The following PCDH11X variants were observed in gnomAD, a reference collection of about 807,000 sequenced individuals.
PCDH11X encodes the protein protocadherin 11 X-linked.
In PCDH11X, 18 loss-of-function variants were observed where a neutral mutation model predicts 53.3. The observed-to-expected ratio is 0.34, with a 90% CI of 0.23 to 0.50. The LOEUF (loss-of-function observed/expected upper bound fraction) is 0.50, where lower values mean the gene tolerates loss of function less well. Among genes scored for constraint, PCDH11X ranks in the 20% least tolerant of loss-of-function variants. The pLI is 0.98. For synonymous variants in PCDH11X, 279 were observed against 393.3 expected (o/e 0.71, Z 3.44); for missense variants, 570 against 1,032.4 (o/e 0.55, Z 6.14).
intron 7 of PCDH11X, among the ~76,000 whole-genome samples, chrX:92,252,676 A>C (rs746047427): frequency 2.7e-5 from 3 of 110,179 alleles, no homozygotes; most frequent in African/African-American, 9.9e-5. Flanking sequence ...TTTTTTTTTT[A>C]AATTGGATGA....
At chrX:91,895,837 T>C (rs181420943) in intron 6 of PCDH11X, among the ~76,000 whole-genome samples, 1 of 107,012 alleles carries the variant, frequency 9.3e-6, no homozygotes, top group Non-Finnish European at 1.9e-5. Flanking sequence ...TAATATGTAA[T>C]ACACTTAACA....
chrX:91,823,184 T>A (rs1355458894), intron 4 of PCDH11X, among the ~76,000 whole-genome samples: 1 of 110,663 alleles, frequency 9.0e-6, no homozygotes, highest in Non-Finnish European at 1.9e-5. Context: ...TAGATGTCTA[T>A]TAGGTCCGCT....
At chrX:92,100,710 A>C (rs1199151116) in intron 6 of PCDH11X, among the ~76,000 whole-genome samples, 1 of 110,760 alleles carries the variant, frequency 9.0e-6, no homozygotes, top group Non-Finnish European at 1.9e-5. Flanking sequence ...TCTTAATAAG[A>C]AAAATAAAAC....
chrX:92,592,725 C>T (rs2750631), intron 10 of PCDH11X, among the ~76,000 whole-genome samples: 2 of 111,604 alleles, frequency 1.8e-5, no homozygotes, highest in African/African-American at 3.3e-5. Flanking sequence ...AGCAAGACTC[C>T]GTCTCAGAAA....
intron 1 of PCDH11X, among the ~76,000 whole-genome samples, chrX:91,785,363 A>C (rs1310859610): frequency 1.8e-5 from 2 of 108,286 alleles, no homozygotes; most frequent in African/African-American, 6.8e-5. Flanking sequence ...GTCAACATAC[A>C]GTTACCAATC....
Position 92,059,133 on chromosome X carries a change from A to G in PCDH11X, c.3034-142242A>G, listed in dbSNP as rs1372319574. ...TAATAAATTTTGGCTGTATGATATG[A>G]ATGCATTAATTTTGTGCTTAAAAGC... On this transcript the variant is annotated intron_variant, in intron 6 of 10. Coordinates refer to ENST00000682573, the MANE Select transcript of PCDH11X (RefSeq NM_032968.5). 1.1e-4 allele frequency among the ~76,000 whole-genome samples: 12 copies of G among 106,083 alleles called. No homozygotes were observed. In the South Asian group the frequency reaches 5.2e-3, roughly 46 times the overall value. The allele number at this position is 106,083 out of a possible 115,157, so 92.1% of individuals were successfully genotyped here.
chrX:92,301,572 T>A, intron 8 of PCDH11X, among the ~76,000 whole-genome samples: 1 of 111,127 alleles, frequency 9.0e-6, no homozygotes, highest in Middle Eastern at 4.7e-3. Context: ...ATTCCAGATG[T>A]CCGTGGCGAA....
At chrX:92,449,083 C>A (rs1445537452) in intron 9 of PCDH11X, among the ~76,000 whole-genome samples, 1 of 111,700 alleles carries the variant, frequency 9.0e-6, no homozygotes, top group East Asian at 2.8e-4. Flanking sequence ...GTGTTTGACA[C>A]CCTTCAGCTA....
intron 9 of PCDH11X, chrX:92,459,701 A>G: frequency 1.8e-6 from 2 of 1,097,562 alleles, no homozygotes; most frequent in Non-Finnish European, 2.5e-6. Context: ...TTCTCCACCA[A>G]CTACCAGTCA....
chrX:92,110,883 C>T (rs2064488660), intron 6 of PCDH11X, among the ~76,000 whole-genome samples: 1 of 109,928 alleles, frequency 9.1e-6, no homozygotes, highest in African/African-American at 3.3e-5. Context: ...CACAGCACAC[C>T]ATATTCTTGA....
intron 4 of PCDH11X, among the ~76,000 whole-genome samples, chrX:91,822,287 G>A (rs1936719699): frequency 9.4e-6 from 1 of 106,599 alleles, no homozygotes; most frequent in Admixed American, 1.0e-4. Context: ...GAATTCGGCT[G>A]TGAATCCATC....
chrX:91,817,821 G>A (rs1235583119), intron 4 of PCDH11X, among the ~76,000 whole-genome samples: 2 of 111,217 alleles, frequency 1.8e-5, no homozygotes, highest in Non-Finnish European at 3.8e-5. Flanking sequence ...TTGTTCTTGT[G>A]CTATCTATAA....
At chrX:91,780,081 C>T (rs922207491) in intron 1 of PCDH11X, among the ~76,000 whole-genome samples, 8 of 111,871 alleles carry the variant, frequency 7.2e-5, no homozygotes, top group Non-Finnish European at 1.3e-4. Context: ...GACAAAAGAG[C>T]ACGTCCCGGA....
At chrX:92,250,002 G>C (rs1475697909) in intron 7 of PCDH11X, among the ~76,000 whole-genome samples, 4 of 110,815 alleles carry the variant, frequency 3.6e-5, no homozygotes, top group Non-Finnish European at 5.7e-5. Context: ...ATAATAATTT[G>C]ATAATCTTTT....
At chrX:92,248,771 C>T (rs1429664211) in intron 7 of PCDH11X, among the ~76,000 whole-genome samples, 1 of 111,232 alleles carries the variant, frequency 9.0e-6, no homozygotes, top group East Asian at 2.8e-4. Flanking sequence ...GCTCCGCCTC[C>T]TGGGTTCAAG....
intron 5 of PCDH11X, among the ~76,000 whole-genome samples, chrX:91,836,245 T>C (rs1226708027): frequency 9.1e-6 from 1 of 110,030 alleles, no homozygotes; most frequent in African/African-American, 3.4e-5. Context: ...GGTATGTATA[T>C]TCATTTTCAA....
rs767847430 is a variant in PCDH11X at position 92,482,142 on chromosome X, C to T, written c.3367+13820C>T. Among the ~76,000 whole-genome samples, 470 of 108,141 alleles carry T rather than the reference C, an allele frequency of 4.3e-3. 2 individuals carry two copies. The highest frequency in any genetic ancestry group is 0.014 in the African/African-American group (411 of 29,696). 93.9% of individuals were successfully genotyped at this position (108,141 alleles called of 115,157 possible). On this transcript the variant is annotated intron_variant, in intron 10 of 10. Transcript: ENST00000682573. ...TCTTGCTCAGCTCCAATCATTTAAC[C>T]TCTTAAAGTCTGTTTACTCATTTGT...
chrX:92,150,084 T>A (rs1233615936), intron 6 of PCDH11X, among the ~76,000 whole-genome samples: 1 of 106,145 alleles, frequency 9.4e-6, no homozygotes, highest in Admixed American at 9.7e-5. Flanking sequence ...TTTGTGTGGA[T>A]GTGTCTTTTC....
chrX:91,902,372 C>T (rs1276260407), intron 6 of PCDH11X, among the ~76,000 whole-genome samples: 3 of 109,979 alleles, frequency 2.7e-5, no homozygotes, highest in Non-Finnish European at 5.7e-5. Flanking sequence ...GACATTTTTC[C>T]TCATTCATTC....
Sources: allele counts gnomAD v4.1 joint callset (sites outside exome capture counted in the v4.1 genomes callset), GRCh38; gene constraint gnomAD v4.1.1; transcripts MANE v1.5; gene names NCBI Gene and HGNC (gene_info 2026-07-23, HGNC 2026-07-21).